NKD1: variants seen among roughly 807,000 people sequenced by gnomAD.
NKD1 encodes protein naked cuticle homolog 1.
Under a neutral mutation model 56.0 loss-of-function variants are expected in NKD1, and 21 were observed. The observed-to-expected ratio is 0.38, with a 90% CI of 0.27 to 0.54. The LOEUF (loss-of-function observed/expected upper bound fraction) is 0.54. Among genes scored for constraint, NKD1 ranks in the 20% least tolerant of loss-of-function variants. The pLI is 0.82. For synonymous variants in NKD1, 263 were observed against 265.7 expected (o/e 0.99, Z 0.10); for missense variants, 578 against 642.7 (o/e 0.90, Z 1.09).
In NKD1 at chr16:50,623,298, C is replaced by G. The variant is rs1307294656; in HGVS notation, c.366+1590C>G. On this transcript the variant is annotated intron_variant, in intron 5 of 9. Transcript: ENST00000268459. This position sits in a 1 kb window ranked among gnomAD's most constrained non-coding sequence, Gnocchi z 4.1. Reference sequence around the variant, plus strand: ...CACAGGCCACACCACACAGCTTGTTCTCCCCACACAGCACAGGAGCACTCC... The same window carrying G: ...CACAGGCCACACCACACAGCTTGTTGTCCCCACACAGCACAGGAGCACTCC... Among the ~76,000 whole-genome samples, 1 of 152,092 alleles carries G rather than the reference C, an allele frequency of 6.6e-6. No homozygotes were observed. Among genetic ancestry groups the G allele is most frequent in the Non-Finnish European group, 1.5e-5 (1 of 67,994 alleles).
chr16:50,557,378 A>G (rs1381336952), intron 3 of NKD1: 2 of 152,174 alleles, frequency 1.3e-5, no homozygotes, highest in Non-Finnish European at 2.9e-5. Context: ...TGCCTCTGTG[A>G]GAGTGGAACT....
At chr16:50,564,238 C>T (rs776553206) in intron 3 of NKD1, among the ~76,000 whole-genome samples, 2 of 152,244 alleles carry the variant, frequency 1.3e-5, no homozygotes, top group Admixed American at 6.5e-5. Context: ...GATCAGAGCA[C>T]CTTCTTGTGA....
In NKD1 at chr16:50,632,015, G is replaced by A. The variant is rs187529410; in HGVS notation, c.696-266G>A. Among the ~76,000 whole-genome samples the A allele has an allele frequency of 3.9e-5, 6 of 152,338 alleles. No homozygotes were observed. Among genetic ancestry groups the A allele is most frequent in the Non-Finnish European group, 8.8e-5 (6 of 68,036 alleles). On this transcript the variant is annotated intron_variant, in intron 8 of 9. Coordinates refer to ENST00000268459, the MANE Select transcript of NKD1 (RefSeq NM_033119.5). This position sits in a 1 kb window ranked among gnomAD's most constrained non-coding sequence, Gnocchi z 4.1. ...AACCTCTCACGTTTGCTTTGAACCT[G>A]TTCAGAGCAAAACCCCGTCCACTCC...
In NKD1 at chr16:50,548,536, G is replaced by A; in HGVS notation, c.-18G>A. 6.8e-7 allele frequency: 1 copy of A among 1,462,140 alleles called. No homozygotes were observed. 90.6% of individuals were successfully genotyped at this position (1,462,140 alleles called of 1,614,324 possible). A position where few individuals can be genotyped will look rare whatever the true frequency, so the allele number is the denominator to read the frequency against. On this transcript the variant is annotated 5_prime_UTR_variant, in exon 1 of 10. Coordinates refer to ENST00000268459, the MANE Select transcript of NKD1 (RefSeq NM_033119.5). The stretch of plus-strand genomic sequence containing the variant: ...GGGCGCATGGCTTAGGGACGCTCCC[G>A]GCCGCCGCAGCCCCAGCATGGGGAA...
intron 3 of NKD1, among the ~76,000 whole-genome samples, chr16:50,554,267 T>C (rs574560711): frequency 1.3e-5 from 2 of 152,218 alleles, no homozygotes; most frequent in African/African-American, 4.8e-5. Flanking sequence ...CAGGGGATGT[T>C]TCCTCTGCTC....
chr16:50,569,631 A>T (rs1460446261), intron 3 of NKD1, among the ~76,000 whole-genome samples: 1 of 152,194 alleles, frequency 6.6e-6, no homozygotes, highest in East Asian at 1.9e-4. Flanking sequence ...ATATCCCAGG[A>T]TGAGTATGAA....
chr16:50,627,592 C>T lies in NKD1; in HGVS notation c.462+2012C>T, dbSNP rs111984808. Among the ~76,000 whole-genome samples the T allele has an allele frequency of 1.1e-3, 166 of 152,318 alleles. 1 individual carries two copies. Among genetic ancestry groups the T allele is most frequent in the Middle Eastern group, 3.4e-3 (1 of 294 alleles). ...TGGCTGTAAATACAGTTCCCTTCCACGCCTTCTGAGTGCCAGGGCAGATGG... is the reference window on the plus strand; with the variant it reads ...TGGCTGTAAATACAGTTCCCTTCCATGCCTTCTGAGTGCCAGGGCAGATGG... On this transcript the variant is annotated intron_variant, in intron 6 of 9. Transcript: ENST00000268459.
At chr16:50,561,675 C>G (rs943100553) in intron 3 of NKD1, among the ~76,000 whole-genome samples, 1 of 152,058 alleles carries the variant, frequency 6.6e-6, no homozygotes, top group African/African-American at 2.4e-5. Context: ...CTGTCTTTCC[C>G]AAGAGTATAG....
chr16:50,588,360 C>T (rs1961274337), intron 3 of NKD1, among the ~76,000 whole-genome samples: 6 of 152,198 alleles, frequency 3.9e-5, no homozygotes, highest in Admixed American at 3.9e-4. Context: ...AGCTTGTCTG[C>T]CCTTGCAAAT....
chr16:50,573,577 CT>C (rs1374737813), intron 3 of NKD1, among the ~76,000 whole-genome samples: 1 of 152,200 alleles, frequency 6.6e-6, no homozygotes, highest in Admixed American at 6.5e-5. Flanking sequence ...TGGCTCAGAG[CT>C]GGGAGAGGGT....
At chr16:50,614,297 G>C (rs1171167541) in intron 4 of NKD1, among the ~76,000 whole-genome samples, 1 of 152,118 alleles carries the variant, frequency 6.6e-6, no homozygotes, top group Non-Finnish European at 1.5e-5. Flanking sequence ...AAAAATCCTA[G>C]GGTAGATCTT....
At chr16:50,579,135 G>A (rs544404278) in intron 3 of NKD1, among the ~76,000 whole-genome samples, 2 of 151,160 alleles carry the variant, frequency 1.3e-5, no homozygotes, top group Admixed American at 1.3e-4. Context: ...ACTCCTGCGG[G>A]CTACCCGCAA....
At chr16:50,620,566 C>A (rs1460410210) in intron 4 of NKD1, among the ~76,000 whole-genome samples, 4 of 152,112 alleles carry the variant, frequency 2.6e-5, no homozygotes, top group African/African-American at 9.7e-5. Flanking sequence ...AACAGGACAA[C>A]AAATTTACTA....
chr16:50,549,055 C>T, intron 2 of NKD1: 1 of 221,774 alleles, frequency 4.5e-6, no homozygotes, highest in Non-Finnish European at 7.4e-6. Context: ...ACCCTGCCCC[C>T]TCTTCCTGCC....
intron 5 of NKD1, 196 bp from the exon 6 acceptor site, chr16:50,625,289 A>T (rs781554058): frequency 2.0e-5 from 12 of 596,850 alleles, no homozygotes; most frequent in Non-Finnish European, 3.0e-5. Context: ...CCCAGGCCAA[A>T]CCTCCCCTGC....
intron 3 of NKD1, among the ~76,000 whole-genome samples, chr16:50,586,881 C>G (rs1961242385): frequency 6.6e-6 from 1 of 152,220 alleles, no homozygotes; most frequent in Non-Finnish European, 1.5e-5. Flanking sequence ...TAGTCCTGCT[C>G]TGCCTTCAAG....
At chr16:50,611,125 G>A (rs550843841) in intron 4 of NKD1, among the ~76,000 whole-genome samples, 1 of 152,302 alleles carries the variant, frequency 6.6e-6, no homozygotes, top group African/African-American at 2.4e-5. Flanking sequence ...GCCAGGCCAC[G>A]TTCCCCTGCA....
chr16:50,641,999 G>A lies in NKD1; in HGVS notation c.*8218G>A, dbSNP rs1238094420. ...CGGCTCAGTGACTTCCCCTCTTTGAGACTCAGTTTGCTTTTCTGTAAAGTG... is the reference window on the plus strand; with the variant it reads ...CGGCTCAGTGACTTCCCCTCTTTGAAACTCAGTTTGCTTTTCTGTAAAGTG... On this transcript the variant is annotated 3_prime_UTR_variant, in exon 10 of 10. Coordinates refer to ENST00000268459, the MANE Select transcript of NKD1 (RefSeq NM_033119.5). 6.6e-6 allele frequency: 1 copy of A among 152,266 alleles called. No individual in the cohort carries two copies. The highest frequency in any genetic ancestry group is 1.5e-5 in the Non-Finnish European group (1 of 68,056). The allele number at this position is 152,266 out of a possible 1,614,324, so 9.4% of individuals were successfully genotyped here.
intron 3 of NKD1, chr16:50,552,459 C>T (rs1355936977): frequency 1.3e-5 from 2 of 152,260 alleles, no homozygotes; most frequent in Non-Finnish European, 2.9e-5. Context: ...CCCTGTTTGC[C>T]CTCTTCCTTC....
Sources: allele counts gnomAD v4.1 joint callset (sites outside exome capture counted in the v4.1 genomes callset), GRCh38; gene constraint gnomAD v4.1.1; non-coding constraint Gnocchi (gnomAD v3.1); transcripts MANE v1.5; gene names NCBI Gene and HGNC (gene_info 2026-07-23, HGNC 2026-07-21).